The following MTMR12 variants were observed in gnomAD, a reference collection of about 807,000 sequenced individuals.
MTMR12 encodes the protein myotubularin related protein 12.
Under a neutral mutation model 96.7 loss-of-function variants are expected in MTMR12, and 33 were observed. The observed-to-expected ratio is 0.34, with a 90% CI of 0.26 to 0.46. The LOEUF (loss-of-function observed/expected upper bound fraction) is 0.46. Ranked by LOEUF, MTMR12 falls within the 20% of genes least tolerant of loss-of-function variation. The pLI, the probability that MTMR12 is intolerant of heterozygous loss-of-function variation, is 1.00. For missense variants in MTMR12, 721 were observed against 896.1 expected (o/e 0.80, Z 2.49); for synonymous variants, 298 against 327.2 (o/e 0.91, Z 0.96).
At chr5:32,230,411 C>T (rs1024239382) in intron 15 of MTMR12, 64 bp from the exon 16 acceptor site, 33 of 1,428,260 alleles carry the variant, frequency 2.3e-5, no homozygotes, top group Non-Finnish European at 3.0e-5. Context: ...ACAGCTGTTA[C>T]CATAACAAAA....
chr5:32,253,065 C>G (rs947728609), intron 8 of MTMR12, among the ~76,000 whole-genome samples: 2 of 152,186 alleles, frequency 1.3e-5, no homozygotes, highest in Non-Finnish European at 2.9e-5. Flanking sequence ...CATTTTGTGC[C>G]CCCACCCCAC....
At chr5:32,255,431 C>G (rs1051136773) in intron 8 of MTMR12, among the ~76,000 whole-genome samples, 1 of 152,224 alleles carries the variant, frequency 6.6e-6, no homozygotes, top group African/African-American at 2.4e-5. Context: ...ACCGGGCTTG[C>G]TTTCAACACC....
chr5:32,254,840 G>A (rs796330045), intron 8 of MTMR12, among the ~76,000 whole-genome samples: 27 of 152,068 alleles, frequency 1.8e-4, no homozygotes, highest in African/African-American at 5.8e-4. Flanking sequence ...GCAAAACTCC[G>A]TCTAAAAAAA....
At chr5:32,263,809 A>G (rs1330895820) in intron 6 of MTMR12, among the ~76,000 whole-genome samples, 1 of 152,210 alleles carries the variant, frequency 6.6e-6, no homozygotes, top group Non-Finnish European at 1.5e-5. Flanking sequence ...ATTTCTAGTC[A>G]TCTGACCATG....
intron 1 of MTMR12, among the ~76,000 whole-genome samples, chr5:32,303,726 C>T (rs936301877): frequency 4.0e-5 from 6 of 151,792 alleles, no homozygotes; most frequent in Admixed American, 2.6e-4. Flanking sequence ...CTCATGTAGG[C>T]CCCCACAGGT....
intron 8 of MTMR12, among the ~76,000 whole-genome samples, chr5:32,249,397 A>G (rs1445690065): frequency 6.6e-6 from 1 of 152,172 alleles, no homozygotes; most frequent in African/African-American, 2.4e-5. Flanking sequence ...AAAAGGGGGC[A>G]ACTCTCATTA....
intron 7 of MTMR12, among the ~76,000 whole-genome samples, chr5:32,256,281 T>C (rs1749127617): frequency 2.0e-5 from 3 of 152,334 alleles, no homozygotes; most frequent in Admixed American, 6.5e-5. Context: ...TTATCTAATA[T>C]ACTTACCAAT....
chr5:32,237,662 C>T (rs1026698353), intron 13 of MTMR12, among the ~76,000 whole-genome samples: 7 of 152,146 alleles, frequency 4.6e-5, no homozygotes, highest in African/African-American at 1.7e-4. Context: ...AGGCATGTGC[C>T]ACCACACCCG....
intron 6 of MTMR12, among the ~76,000 whole-genome samples, chr5:32,265,538 C>A (rs576714614): frequency 6.6e-6 from 1 of 152,290 alleles, no homozygotes; most frequent in South Asian, 2.1e-4. Context: ...TTATAGCAAT[C>A]AACAAGTCAT....
intron 1 of MTMR12, among the ~76,000 whole-genome samples, chr5:32,302,674 GCCAATGCACT>G (rs1751198808): frequency 6.6e-6 from 1 of 151,074 alleles, no homozygotes; most frequent in South Asian, 2.1e-4. Context: ...CCAAGATCAT[GCCAATGCACT>G]CTGCACTCCA....
intron 7 of MTMR12, among the ~76,000 whole-genome samples, chr5:32,262,687 T>A (rs937857564): frequency 5.9e-5 from 9 of 152,088 alleles, no homozygotes; most frequent in African/African-American, 2.2e-4. Flanking sequence ...CAATAGTCCA[T>A]CAACTAATAG....
intron 4 of MTMR12, among the ~76,000 whole-genome samples, chr5:32,271,368 A>T (rs1287148282): frequency 6.6e-6 from 1 of 152,250 alleles, no homozygotes; most frequent in African/African-American, 2.4e-5. Context: ...AGCACCTAGT[A>T]GTCTGGAGAA....
At chr5:32,294,987 A>C (rs1699988213) in intron 1 of MTMR12, among the ~76,000 whole-genome samples, 2 of 152,244 alleles carry the variant, frequency 1.3e-5, no homozygotes, top group Admixed American at 1.3e-4. Context: ...GGCATAGCCA[A>C]GGTCAGACTT....
At chr5:32,240,528 G>T (rs991776579) in intron 12 of MTMR12, among the ~76,000 whole-genome samples, 1 of 152,048 alleles carries the variant, frequency 6.6e-6, no homozygotes, top group African/African-American at 2.4e-5. Flanking sequence ...CAGGAAACAA[G>T]CCTCAACTAT....
In MTMR12 at chr5:32,228,617, G is replaced by GTGATATATATATATATCACATATATATC. The variant is rs1554053464; in HGVS notation, c.*1160_*1161insGATATATATGTGATATATATATATATCA. The GTGATATATATATATATCACATATATATC allele has an allele frequency of 3.4e-5, 3 of 87,362 alleles. No homozygotes were observed. Among genetic ancestry groups the GTGATATATATATATATCACATATATATC allele is most frequent in the Non-Finnish European group, 5.0e-5 (2 of 40,036 alleles). The allele number at this position is 87,362 out of a possible 1,614,324, so 5.4% of individuals were successfully genotyped here. The stretch of plus-strand genomic sequence containing the variant: ...ATATATATATATATATCATATATAT[G>GTGATATATATATATATCACATATATATC]ATATATATATATCACATATATATCA... On this transcript the variant is annotated 3_prime_UTR_variant, in exon 16 of 16. Transcript: ENST00000382142.
At chr5:32,292,329 A>G (rs1750767170) in intron 1 of MTMR12, among the ~76,000 whole-genome samples, 1 of 152,132 alleles carries the variant, frequency 6.6e-6, no homozygotes, top group Non-Finnish European at 1.5e-5. Flanking sequence ...ACCACTCACC[A>G]TCACCCCTAG....
Position 32,263,075 on chromosome 5 carries a change from G to A in MTMR12, c.713+38C>T, listed in dbSNP as rs769565468. 4.3e-6 allele frequency: 7 copies of A among 1,609,366 alleles called. No homozygotes were observed. The South Asian group carries it at 7.7e-5, about 18-fold the overall frequency. On this transcript the variant is annotated intron_variant, in intron 7 of 15. Coordinates refer to ENST00000382142, the MANE Select transcript of MTMR12 (RefSeq NM_001040446.3). ...AAAAAACACTGTACACTTTTAATGG[G>A]TGAATTGTACAGCATGTGCCCAGCA...
At position 32,310,904 on chromosome 5, in the gene MTMR12, C is replaced by T. The variant is rs192655652; in HGVS notation, c.81+1854G>A. ...TTTTTTTTTTTTTGAGATGGAGTCT[C>T]GCTCTGTCGCCCAAGCTGTAGTGCA... On this transcript the variant is annotated intron_variant, in intron 1 of 15. Coordinates refer to ENST00000382142, the MANE Select transcript of MTMR12 (RefSeq NM_001040446.3). Among the ~76,000 whole-genome samples the T allele has an allele frequency of 3.6e-4, 53 of 148,020 alleles. 1 individual carries two copies. The East Asian group carries it at 9.4e-3, about 26-fold the overall frequency.
chr5:32,282,343 C>A (rs1750330971), intron 1 of MTMR12, among the ~76,000 whole-genome samples: 2 of 151,898 alleles, frequency 1.3e-5, no homozygotes, highest in Non-Finnish European at 2.9e-5. Flanking sequence ...ATGGCGTGAG[C>A]CCGGGAGGCG....
Sources: allele counts gnomAD v4.1 joint callset (sites outside exome capture counted in the v4.1 genomes callset), GRCh38; gene constraint gnomAD v4.1.1; transcripts MANE v1.5; gene names NCBI Gene and HGNC (gene_info 2026-07-23, HGNC 2026-07-21).